PRDM6: variants seen among roughly 807,000 people sequenced by gnomAD.
PRDM6 encodes the protein putative histone-lysine N-methyltransferase PRDM6.
Under a neutral mutation model 60.8 loss-of-function variants are expected in PRDM6, and 25 were observed. That is an observed-to-expected ratio of 0.41 (90% CI 0.30 to 0.57). The LOEUF (loss-of-function observed/expected upper bound fraction) is 0.57. Among genes scored for constraint, PRDM6 ranks in the 20% least tolerant of loss-of-function variants. The pLI is 0.27. For synonymous variants in PRDM6, 407 were observed against 357.4 expected (o/e 1.14, Z -1.57); for missense variants, 839 against 821.3 (o/e 1.02, Z -0.26).
intron 3 of PRDM6, among the ~76,000 whole-genome samples, chr5:123,106,222 A>C (rs1764194595): frequency 6.6e-6 from 1 of 152,236 alleles, no homozygotes; most frequent in Non-Finnish European, 1.5e-5. Flanking sequence ...TGAGAAGAGC[A>C]ATCTATGTGT....
Position 123,159,581 on chromosome 5 carries a change from G to A in PRDM6, c.1096G>A (p.Asp366Asn), listed in dbSNP as rs1168520464. ...CACCGAGCTTCTGGTGTGGTACAAT[G>A]ACAGCTATACGTCTTTCTTTGGGAT... ...RGTELLVWYN[D>N]SYTSFFGIPL... The change falls in exon 5 of 8, where the codon GAC (aspartate) becomes AAC (asparagine). Residue 366 changes from aspartate to asparagine, a missense_variant. Around this residue, in one of 2 missense-constraint regions of PRDM6, gnomAD observed 730 missense variants for 648.8 expected, o/e 1.13. Coordinates refer to ENST00000407847, the MANE Select transcript of PRDM6 (RefSeq NM_001136239.4). 3 of 1,551,540 alleles carry A rather than the reference G, an allele frequency of 1.9e-6. No homozygotes were observed. The highest frequency in any genetic ancestry group is 2.6e-6 in the Non-Finnish European group (3 of 1,146,790).
intron 3 of PRDM6, among the ~76,000 whole-genome samples, chr5:123,140,275 G>GA (rs34099859): frequency 9.2e-4 from 120 of 130,618 alleles, no homozygotes; most frequent in Non-Finnish European, 1.0e-3. Context: ...CTTTCTTTCA[G>GA]AAAAAAAAAA....
intron 3 of PRDM6, among the ~76,000 whole-genome samples, chr5:123,113,962 G>A (rs1359341923): frequency 6.6e-6 from 1 of 152,186 alleles, no homozygotes; most frequent in Non-Finnish European, 1.5e-5. Flanking sequence ...CATTGTACAG[G>A]TCACAAGGAT....
chr5:123,125,192 G>T (rs1440288860), intron 3 of PRDM6, among the ~76,000 whole-genome samples: 1 of 144,594 alleles, frequency 6.9e-6, no homozygotes, highest in Non-Finnish European at 1.5e-5. Flanking sequence ...CACATGAGTG[G>T]CAAAAAAGCC....
At chr5:123,150,488 A>C (rs1157061339) in intron 3 of PRDM6, among the ~76,000 whole-genome samples, 1 of 152,214 alleles carries the variant, frequency 6.6e-6, no homozygotes, top group East Asian at 1.9e-4. Flanking sequence ...AACAGCCAAG[A>C]ATCATTTTTT....
chr5:123,162,462 G>T (rs1262995900), intron 5 of PRDM6, among the ~76,000 whole-genome samples: 1 of 152,160 alleles, frequency 6.6e-6, no homozygotes, highest in Non-Finnish European at 1.5e-5. Flanking sequence ...TGAGATTGAT[G>T]ATTAGAGTAT....
At chr5:123,145,986 G>A (rs904186284) in intron 3 of PRDM6, among the ~76,000 whole-genome samples, 1 of 152,154 alleles carries the variant, frequency 6.6e-6, no homozygotes, top group African/African-American at 2.4e-5. Context: ...AAAAAAGCGG[G>A]TGAGCTCTAG....
rs199891258 is a variant in PRDM6 at position 123,127,729 on chromosome 5, TTTCC to T, written c.900+27772_900+27775del. ...TTCTTTCTCTTTCTTTCTTTCTTTC[TTTCC>T]TTCTTTCCTTTCTTTCCTTTCTTTC... On this transcript the variant is annotated intron_variant, in intron 3 of 7. Transcript: ENST00000407847. Among the ~76,000 whole-genome samples the T allele has an allele frequency of 1.4e-4, 22 of 151,860 alleles. No individual in the cohort carries two copies. The South Asian group carries it at 3.6e-3, about 25-fold the overall frequency.
intron 7 of PRDM6, among the ~76,000 whole-genome samples, chr5:123,185,564 T>A (rs1280157531): frequency 6.6e-6 from 1 of 152,198 alleles, no homozygotes; most frequent in Non-Finnish European, 1.5e-5. Context: ...ACATTAAAGC[T>A]GACATTATAC....
chr5:123,114,042 C>T (rs1236878717), intron 3 of PRDM6, among the ~76,000 whole-genome samples: 1 of 152,162 alleles, frequency 6.6e-6, no homozygotes, highest in Non-Finnish European at 1.5e-5. Flanking sequence ...CAGTTGGGAG[C>T]AGTGTGCAAA....
At chr5:123,164,705 A>G (rs1765717092) in intron 5 of PRDM6, among the ~76,000 whole-genome samples, 1 of 152,060 alleles carries the variant, frequency 6.6e-6, no homozygotes, top group South Asian at 2.1e-4. Context: ...GTTATGAGAG[A>G]TTTGACTTTT....
At chr5:123,104,589 A>C (rs1764167704) in intron 3 of PRDM6, among the ~76,000 whole-genome samples, 1 of 152,178 alleles carries the variant, frequency 6.6e-6, no homozygotes, top group African/African-American at 2.4e-5. Context: ...TTATCATTTA[A>C]TATAATAGTC....
rs1052039970 is a variant in PRDM6 at position 123,190,452 on chromosome 5, T to C, written c.*3251T>C. On this transcript the variant is annotated 3_prime_UTR_variant, in exon 8 of 8. Transcript: ENST00000407847. ...TTAAAAATGACTTTTTTGGAGGAGA[T>C]ATACTTCTAAAAAGTTATTGTATGG... 6.6e-6 allele frequency: 1 copy of C among 152,220 alleles called. No homozygotes were observed. The highest frequency in any genetic ancestry group is 2.1e-4 in the South Asian group (1 of 4,828). The allele number at this position is 152,220 out of a possible 1,614,324, so 9.4% of individuals were successfully genotyped here.
At chr5:123,116,912 G>A (rs1269835327) in intron 3 of PRDM6, among the ~76,000 whole-genome samples, 1 of 152,190 alleles carries the variant, frequency 6.6e-6, no homozygotes, top group Non-Finnish European at 1.5e-5. Context: ...TTTGGACAGT[G>A]AAATCAGCTT....
chr5:123,092,805 C>G (rs900480631), intron 2 of PRDM6, among the ~76,000 whole-genome samples: 3 of 152,072 alleles, frequency 2.0e-5, no homozygotes, highest in African/African-American at 4.8e-5. Flanking sequence ...TGCTGGGAGA[C>G]GAGATCTCCC....
chr5:123,170,954 G>T lies in PRDM6; in HGVS notation c.1342G>T (p.Val448Leu), dbSNP rs372505887. ...TGAATCAGGATTTAATCAAATCAAC[G>T]TGAAAAACCAGCGAGTCCTGGCAAG... ...PIESGFNQIN[V>L]KNQRVLASPT... The change falls in exon 6 of 8, where the codon GTG (valine) becomes TTG (leucine). Residue 448 changes from valine to leucine, a missense_variant. Coordinates refer to ENST00000407847, the MANE Select transcript of PRDM6 (RefSeq NM_001136239.4). 6.4e-7 allele frequency: 1 copy of T among 1,551,878 alleles called. No homozygotes were observed. The highest frequency in any genetic ancestry group is 2.4e-5 in the East Asian group (1 of 40,920).
At chr5:123,154,943 A>G (rs1765458418) in intron 3 of PRDM6, among the ~76,000 whole-genome samples, 1 of 152,140 alleles carries the variant, frequency 6.6e-6, no homozygotes, top group Non-Finnish European at 1.5e-5. Context: ...CTGTGGATAC[A>G]TGACCGCCTC....
chr5:123,109,724 A>G (rs1764266058), intron 3 of PRDM6, among the ~76,000 whole-genome samples: 1 of 152,242 alleles, frequency 6.6e-6, no homozygotes, highest in African/African-American at 2.4e-5. Flanking sequence ...ATGTTGGCAC[A>G]TTTATATTTC....
Position 123,193,546 on chromosome 5 carries a change from C to T in PRDM6, c.*6345C>T, listed in dbSNP as rs1766469856. 6.6e-6 allele frequency: 1 copy of T among 152,112 alleles called. No individual in the cohort carries two copies. Among genetic ancestry groups the T allele is most frequent in the South Asian group, 2.1e-4 (1 of 4,818 alleles). The allele number at this position is 152,112 out of a possible 1,614,324, so 9.4% of individuals were successfully genotyped here. On this transcript the variant is annotated 3_prime_UTR_variant, in exon 8 of 8. Coordinates refer to ENST00000407847, the MANE Select transcript of PRDM6 (RefSeq NM_001136239.4). ...ACCTGGAGAAAATGTATAGCAAAAGCCAGAGGCAAAATTATTCTCCTTAGC... is the reference window on the plus strand; with the variant it reads ...ACCTGGAGAAAATGTATAGCAAAAGTCAGAGGCAAAATTATTCTCCTTAGC...
Sources: allele counts gnomAD v4.1 joint callset (sites outside exome capture counted in the v4.1 genomes callset), GRCh38; gene constraint gnomAD v4.1.1; regional missense constraint gnomAD v4.1.1; transcripts MANE v1.5; gene names NCBI Gene and HGNC (gene_info 2026-07-23, HGNC 2026-07-21).